The following CEP72 variants were observed in gnomAD, a reference collection of about 807,000 sequenced individuals.
CEP72 encodes the protein centrosomal protein of 72 kDa.
Under a neutral mutation model 65.7 loss-of-function variants are expected in CEP72, and 78 were observed. The ratio of observed to expected loss-of-function variants is 1.19; its 90% confidence interval spans 0.99 to 1.43. CEP72 has a LOEUF of 1.43. CEP72 is among the 40% of genes most tolerant of loss of function. CEP72 has a pLI of 0.00. For missense variants in CEP72, 914 were observed against 832.9 expected, an observed-to-expected ratio of 1.10 and a Z score of -1.20; for synonymous variants, 358 against 351.7, an observed-to-expected ratio of 1.02 and a Z score of -0.20.
chr5:668,871 C>G (rs912183391), downstream of CEP72, among the ~76,000 whole-genome samples: 1 of 152,218 alleles, frequency 6.6e-6, no homozygotes, highest in Non-Finnish European at 1.5e-5. Flanking sequence ...GGATACGCAC[C>G]CAACGCGGTG....
chr5:615,324 C>T (rs571175124), intron 1 of CEP72, among the ~76,000 whole-genome samples: 14 of 151,990 alleles, frequency 9.2e-5, no homozygotes, highest in African/African-American at 1.4e-4. Flanking sequence ...TTAGTAGAGA[C>T]GGGGTTTCAC....
chr5:654,011 CTG>C (rs200414072), downstream of CEP72, among the ~76,000 whole-genome samples: 5,575 of 120,084 alleles, frequency 0.046, 374 homozygotes, highest in African/African-American at 0.18. Context: ...TGTGTGTGTG[CTG>C]TGTGTGCGCT....
At chr5:638,519 G>A (rs1737774706) in intron 7 of CEP72, among the ~76,000 whole-genome samples, 1 of 152,072 alleles carries the variant, frequency 6.6e-6, no homozygotes, top group Non-Finnish European at 1.5e-5. Context: ...GGACAGGAAG[G>A]GAGGCATGGC....
At chr5:665,198 G>A (rs775094475) in exon 3 of CEP72, 11 of 1,611,228 alleles carry the variant, frequency 6.8e-6, no homozygotes, top group Non-Finnish European at 9.3e-6. Context: ...GGCCAGCCTT[G>A]CCCTTGCCCT....
At chr5:614,838 G>A (rs901499287) in intron 1 of CEP72, among the ~76,000 whole-genome samples, 4 of 152,098 alleles carry the variant, frequency 2.6e-5, no homozygotes. Flanking sequence ...AATGTTCCAG[G>A]TGCACTTGAG....
chr5:642,773 C>G (rs980935862), intron 9 of CEP72: 1 of 985,472 alleles, frequency 1.0e-6, no homozygotes, highest in Non-Finnish European at 1.2e-6. Flanking sequence ...TCAGGAACCC[C>G]GCGGAGGGAG....
rs764822780 is a variant in CEP72 at position 619,025 on chromosome 5, C to A, written c.118C>A (p.Gln40Lys). 5.0e-6 allele frequency: 8 copies of A among 1,611,630 alleles called. No homozygotes were observed. In the African/African-American group the frequency reaches 1.1e-4, roughly 22 times the overall value. The change falls in exon 2 of 12, where the codon CAA becomes AAA. Residue 40 changes from glutamine to lysine, a missense_variant. Coordinates refer to ENST00000264935, the MANE Select transcript of CEP72 (RefSeq NM_018140.4). ...GTCATTGTCTATTCCTGGAACTTAC[C>A]AAGAGAAGATCACCCACCTGGGACA... is the stretch of plus-strand genomic sequence containing the variant. ...LQSLSIPGTY[Q>K]EKITHLGHSL...
chr5:673,293 T>C, the CEP72 span, among the ~76,000 whole-genome samples: 78,667 of 151,942 alleles, frequency 0.52, 20,501 homozygotes, highest in East Asian at 0.58. Flanking sequence ...TTTAGGCCCC[T>C]TGCTGCTGTA....
At chr5:644,912 C>T (rs555060344) in intron 10 of CEP72, among the ~76,000 whole-genome samples, 43 of 152,352 alleles carry the variant, frequency 2.8e-4, no homozygotes, top group African/African-American at 1.0e-3. Context: ...TCATTTCCCT[C>T]TCTTCACTTT....
At position 644,303 on chromosome 5, in the gene CEP72, A is replaced by G; in HGVS notation, c.1544A>G (p.Asp515Gly). ...ELHHTHKELD[D>G]LRQHLDKSLE... is the part of the protein sequence containing the mutation. Reference sequence around the variant, plus strand: ...GTGTATTTTCTGTGTCCGCAGGATGATTTGAGACAACATTTAGATAAATCT... The same window carrying G: ...GTGTATTTTCTGTGTCCGCAGGATGGTTTGAGACAACATTTAGATAAATCT... Residue 515 changes from aspartate (D) to glycine (G), a missense_variant, in exon 10 of 12, where the codon GAT becomes GGT. Coordinates refer to ENST00000264935, the MANE Select transcript of CEP72 (RefSeq NM_018140.4). The G allele has an allele frequency of 1.2e-6, 2 of 1,613,472 alleles. No homozygotes were observed. Among genetic ancestry groups the G allele is most frequent in the Non-Finnish European group, 1.7e-6 (2 of 1,179,778 alleles).
At chr5:671,184 C>T (rs557067914), downstream of CEP72, among the ~76,000 whole-genome samples, 28 of 152,156 alleles carry the variant, frequency 1.8e-4, no homozygotes, top group South Asian at 4.8e-3. Context: ...TCCCTCTGGG[C>T]GCACACCCTG....
the CEP72 span, among the ~76,000 whole-genome samples, chr5:674,363 C>T: frequency 6.6e-6 from 1 of 152,196 alleles, no homozygotes. Context: ...GGCACAGGGG[C>T]CCTGGCAGCC....
rs143873236 is a variant in CEP72, at chr5:644,359, T to G, written c.1600T>G (p.Leu534Val). ...AGAGAACAGTAGGTTAAAATCGCTTTTGTTGAGTATGAAAAAGGAAGTGAA... is the reference window on the plus strand; with the variant it reads ...AGAGAACAGTAGGTTAAAATCGCTTGTGTTGAGTATGAAAAAGGAAGTGAA... The part of the protein sequence containing the change: ...LEENSRLKSL[L>V]LSMKKEVKSA... The change falls in exon 10 of 12, where the codon TTG (leucine) becomes GTG (valine). Residue 534 changes from leucine to valine, a missense_variant. By Grantham distance (32) the Leu-to-Val change is conservative. Transcript: ENST00000264935. The G allele has an allele frequency of 6.2e-7, 1 of 1,613,798 alleles. No homozygotes were observed. The highest frequency in any genetic ancestry group is 1.3e-5 in the African/African-American group (1 of 74,920).
At chr5:649,785 T>TG (rs1250206905) in intron 11 of CEP72, among the ~76,000 whole-genome samples, 11 of 30,064 alleles carry the variant, frequency 3.7e-4, no homozygotes, top group Non-Finnish European at 4.8e-4. Context: ...CTGTGAGGTG[T>TG]GACTGAGGTG....
In CEP72 at chr5:624,818, TA is replaced by T. The variant is rs1736641418; in HGVS notation, c.512+243del. Among the ~76,000 whole-genome samples, 2 of 152,174 alleles carry T rather than the reference TA, an allele frequency of 1.3e-5. No individual in the cohort carries two copies. The highest frequency in any genetic ancestry group is 4.8e-5 in the African/African-American group (2 of 41,444). On this transcript the variant is annotated intron_variant, in intron 4 of 11. Transcript: ENST00000264935. This position sits in a 1 kb window ranked among gnomAD's most constrained non-coding sequence, Gnocchi z 4.7. ...AAACTGTTGATTAAGGTAATATGTG[TA>T]AAATCAACTCAGCAAAGGGCTTGTC...
intron 9 of CEP72, chr5:641,633 A>G: frequency 1.0e-6 from 1 of 979,576 alleles, no homozygotes; most frequent in Non-Finnish European, 1.2e-6. Flanking sequence ...CTCTGTATTT[A>G]AACACATGTG....
At chr5:619,410 G>T (rs1408040131) in intron 2 of CEP72, among the ~76,000 whole-genome samples, 2 of 152,200 alleles carry the variant, frequency 1.3e-5, no homozygotes, top group East Asian at 3.9e-4. Flanking sequence ...CTCCTGGCAG[G>T]GTCACCCTGG....
downstream of CEP72, among the ~76,000 whole-genome samples, chr5:653,717 C>T (rs1739256767): frequency 1.3e-5 from 2 of 152,050 alleles, no homozygotes; most frequent in African/African-American, 2.4e-5. Flanking sequence ...AAAATATTGT[C>T]TTATGATATT....
chr5:665,349 C>T, intron 3 of CEP72: 1 of 1,541,960 alleles, frequency 6.5e-7, no homozygotes, highest in South Asian at 1.2e-5. Flanking sequence ...CAGGTGAGGC[C>T]AGCAAGTGAA....
Sources: allele counts gnomAD v4.1 joint callset (sites outside exome capture counted in the v4.1 genomes callset), GRCh38; gene constraint gnomAD v4.1.1; non-coding constraint Gnocchi (gnomAD v3.1); transcripts MANE v1.5; gene names NCBI Gene and HGNC (gene_info 2026-07-23, HGNC 2026-07-21).